Variants in CORO2B observed in about 807,000 individuals in gnomAD.
CORO2B encodes the protein coronin-2B.
Under a neutral mutation model 58.8 loss-of-function variants are expected in CORO2B, and 26 were observed. That is an observed-to-expected ratio of 0.44 (90% CI 0.32 to 0.61). The LOEUF (loss-of-function observed/expected upper bound fraction) is 0.61, where lower values mean the gene tolerates loss of function less well. Ranked by LOEUF, CORO2B falls within the 20% of genes least tolerant of loss-of-function variation. The pLI, the probability that CORO2B is intolerant of heterozygous loss-of-function variation, is 0.04. For missense variants in CORO2B, 460 were observed against 645.1 expected (o/e 0.71, Z 3.11); for synonymous variants, 242 against 253.8 (o/e 0.95, Z 0.44).
chr15:68,531,595 AAG>A, the CORO2B span, among the ~76,000 whole-genome samples: 1 of 148,846 alleles, frequency 6.7e-6, no homozygotes, highest in Admixed American at 6.8e-5. Context: ...AGAAAGAAAG[AAG>A]GAAGGAAGGA....
chr15:68,651,169 A>G (rs909798767), intron 2 of CORO2B, among the ~76,000 whole-genome samples: 6 of 152,292 alleles, frequency 3.9e-5, no homozygotes, highest in Admixed American at 3.3e-4. Context: ...TCTGGGGACT[A>G]TGGGACGCAG....
chr15:68,644,574 GATGAT>G (rs1259603873), intron 1 of CORO2B, among the ~76,000 whole-genome samples: 1 of 152,148 alleles, frequency 6.6e-6, no homozygotes, highest in African/African-American at 2.4e-5. Context: ...CTCTGTGCCT[GATGAT>G]ATGATGATAA....
At chr15:68,635,896 A>AT (rs1209530060) in intron 1 of CORO2B, among the ~76,000 whole-genome samples, 1 of 152,036 alleles carries the variant, frequency 6.6e-6, no homozygotes, top group Non-Finnish European at 1.5e-5. Flanking sequence ...ATTTATCAAG[A>AT]TGATGTTAAG....
At chr15:68,698,238 C>G (rs1323540986) in intron 3 of CORO2B, among the ~76,000 whole-genome samples, 1 of 152,204 alleles carries the variant, frequency 6.6e-6, no homozygotes, top group African/African-American at 2.4e-5. Context: ...ACAGCCAATG[C>G]TGTCTCCCAG....
the CORO2B span, among the ~76,000 whole-genome samples, chr15:68,533,981 C>T: frequency 5.9e-5 from 9 of 152,292 alleles, no homozygotes; most frequent in Admixed American, 3.3e-4. Context: ...TGGCCCTAAA[C>T]TCTCCCTGAC....
At chr15:68,577,050 T>A (rs1263410920), upstream of CORO2B, among the ~76,000 whole-genome samples, 1 of 152,114 alleles carries the variant, frequency 6.6e-6, no homozygotes, top group Admixed American at 6.5e-5. Context: ...AGAGCATTCC[T>A]GGCAGGCAAG....
At chr15:68,637,050 A>C (rs1185060282) in intron 1 of CORO2B, among the ~76,000 whole-genome samples, 1 of 152,196 alleles carries the variant, frequency 6.6e-6, no homozygotes, top group Non-Finnish European at 1.5e-5. Flanking sequence ...AGCCTACTCT[A>C]AGGTGCACAG....
the CORO2B span, among the ~76,000 whole-genome samples, chr15:68,562,792 C>T: frequency 1.1e-4 from 17 of 151,636 alleles, no homozygotes; most frequent in East Asian, 2.2e-3. Flanking sequence ...CTGGCTAACA[C>T]GGCGAAACCC....
intron 1 of CORO2B, among the ~76,000 whole-genome samples, chr15:68,580,529 T>C (rs1412731661): frequency 6.6e-6 from 1 of 152,122 alleles, no homozygotes; most frequent in African/African-American, 2.4e-5. Context: ...TGGGCCCAAC[T>C]CCAAACTTTG....
chr15:68,575,759 CCT>C (rs1899272555), upstream of CORO2B, among the ~76,000 whole-genome samples: 1 of 152,098 alleles, frequency 6.6e-6, no homozygotes, highest in African/African-American at 2.4e-5. Context: ...GCATCCAACA[CCT>C]CTCTCAGGCT....
chr15:68,682,390 T>G (rs992842264), intron 2 of CORO2B, among the ~76,000 whole-genome samples: 6 of 152,014 alleles, frequency 3.9e-5, no homozygotes, highest in African/African-American at 1.5e-4. Flanking sequence ...TGTAAAGGCG[T>G]TTGTGGGGAT....
the CORO2B span, among the ~76,000 whole-genome samples, chr15:68,531,971 A>T: frequency 1.3e-5 from 2 of 151,976 alleles, no homozygotes; most frequent in African/African-American, 4.8e-5. Flanking sequence ...TTCTTTTAGC[A>T]CCTTAAAAAT....
chr15:68,713,593 G>A (rs1004145710), intron 5 of CORO2B, among the ~76,000 whole-genome samples: 1 of 152,184 alleles, frequency 6.6e-6, no homozygotes, highest in African/African-American at 2.4e-5. Context: ...TGCCTCTTCT[G>A]GGGGTTGCCG....
the CORO2B span, among the ~76,000 whole-genome samples, chr15:68,550,435 A>C: frequency 6.6e-6 from 1 of 152,154 alleles, no homozygotes; most frequent in South Asian, 2.1e-4. Flanking sequence ...ACTGAATTTC[A>C]GCCACACCCC....
upstream of CORO2B, among the ~76,000 whole-genome samples, chr15:68,576,152 C>CAAAAAAA (rs3985627): frequency 1.6e-3 from 100 of 62,120 alleles, no homozygotes; most frequent in South Asian, 2.3e-3. Context: ...GACTACGTCG[C>CAAAAAAA]AAAAAAAAAA....
the CORO2B span, among the ~76,000 whole-genome samples, chr15:68,559,365 G>A: frequency 1.3e-5 from 2 of 151,950 alleles, no homozygotes; most frequent in African/African-American, 2.4e-5. This position sits in a 1 kb window ranked among gnomAD's most constrained non-coding sequence, Gnocchi z 4.3. Context: ...AAAAGCCTCC[G>A]AGACATCCAT....
intron 1 of CORO2B, among the ~76,000 whole-genome samples, chr15:68,615,976 G>A (rs1459872658): frequency 1.3e-5 from 2 of 152,170 alleles, no homozygotes; most frequent in African/African-American, 2.4e-5. Context: ...GGAGGCTGCC[G>A]TTTATAGAAC....
chr15:68,672,697 C>A (rs1023267596), intron 2 of CORO2B, among the ~76,000 whole-genome samples: 1 of 152,154 alleles, frequency 6.6e-6, no homozygotes, highest in African/African-American at 2.4e-5. Context: ...GCCTCTAGAA[C>A]CAGGAAGAAT....
chr15:68,646,702 A>G (rs115532977), intron 2 of CORO2B, among the ~76,000 whole-genome samples: 1,919 of 152,354 alleles, frequency 0.013, 38 homozygotes, highest in African/African-American at 0.044. Context: ...GCAGGATCAG[A>G]AATCCTCCTC....
Sources: allele counts gnomAD v4.1 joint callset (sites outside exome capture counted in the v4.1 genomes callset), GRCh38; gene constraint gnomAD v4.1.1; non-coding constraint Gnocchi (gnomAD v3.1); transcripts MANE v1.5; gene names NCBI Gene and HGNC (gene_info 2026-07-23, HGNC 2026-07-21).